Variants in RFX2 observed in about 807,000 individuals in gnomAD.
RFX2 encodes regulatory factor X2, also known as DNA-binding protein RFX2.
RFX2 carries 20 observed loss-of-function variants against 87.8 expected under a neutral mutation model. That is an observed-to-expected ratio of 0.23 (90% CI 0.16 to 0.33). RFX2 has a LOEUF of 0.33. Ranked by LOEUF, RFX2 falls within the 10% of genes least tolerant of loss-of-function variation. RFX2 has a pLI of 1.00. For missense variants in RFX2, 767 were observed against 1,012.3 expected (o/e 0.76, Z 3.29); for synonymous variants, 397 against 431.3 (o/e 0.92, Z 0.98).
In RFX2 at chr19:6,047,490, T is replaced by G. The variant is rs1281206735; in HGVS notation, c.7A>C (p.Asn3His). The G allele has an allele frequency of 3.7e-6, 6 of 1,608,760 alleles. No homozygotes were observed. ...GGCGAATCCGCTCCACCCTCGGAAT[T>G]CTGCATGCTCAGGTCTAAAGAAAGG... MQ[N>H]SEGGADSPAS... The change falls in exon 2 of 18, where the codon AAT becomes CAT. Residue 3 changes from asparagine to histidine, a missense_variant. Asn to His is a moderately conservative substitution (Grantham distance 68). Transcript: ENST00000303657. The surrounding 1 kb of genome is among the most constrained non-coding windows in gnomAD (Gnocchi z 4.2).
chr19:6,085,042 A>G (rs976600885), intron 1 of RFX2, among the ~76,000 whole-genome samples: 18 of 152,160 alleles, frequency 1.2e-4, no homozygotes, highest in African/African-American at 4.3e-4. Context: ...TCCTTTTTCA[A>G]GGCTGAATAG....
At position 5,997,813 on chromosome 19, in the gene RFX2, A is replaced by G. The variant is rs1236003215; in HGVS notation, c.1860-600T>C. On this transcript the variant is annotated intron_variant, in intron 15 of 17. Coordinates refer to ENST00000303657, the MANE Select transcript of RFX2 (RefSeq NM_000635.4). The surrounding 1 kb of genome is among the most constrained non-coding windows in gnomAD (Gnocchi z 4.2). The stretch of plus-strand genomic sequence containing the variant: ...AGCCTGTGTGCTGACAATGCTTTAC[A>G]TTTTGAAATGGTTGGAAAAAGTCAA... Among the ~76,000 whole-genome samples the G allele has an allele frequency of 1.3e-5, 2 of 152,212 alleles. No individual in the cohort carries two copies. The highest frequency in any genetic ancestry group is 2.9e-5 in the Non-Finnish European group (2 of 68,048).
rs972038675 is a variant in RFX2, at chr19:6,061,903, A to G, written c.-8-14399T>C. On this transcript the variant is annotated intron_variant, in intron 1 of 17. Coordinates refer to ENST00000303657, the MANE Select transcript of RFX2 (RefSeq NM_000635.4). This position sits in a 1 kb window ranked among gnomAD's most constrained non-coding sequence, Gnocchi z 5.2. ...GTGCCTGATCAATGAAATATGTCCT[A>G]GGCAGGGGCGGGAGGATCCATTGAA... Among the ~76,000 whole-genome samples the G allele has an allele frequency of 6.6e-6, 1 of 152,090 alleles. No homozygotes were observed. Among genetic ancestry groups the G allele is most frequent in the African/African-American group, 2.4e-5 (1 of 41,392 alleles).
Position 6,070,055 on chromosome 19 carries a change from G to GATAGAATCGGATGTGAATGGGGTGGA in RFX2, c.-8-22552_-8-22551insTCCACCCCATTCACATCCGATTCTAT. On this transcript the variant is annotated intron_variant, in intron 1 of 17. Transcript: ENST00000303657. The stretch of plus-strand genomic sequence containing the variant: ...GATAGGATGGGATGGGATGGGATGG[G>GATAGAATCGGATGTGAATGGGGTGGA]ATGGGATGGGATGGGATGTGGATGG... Among the ~76,000 whole-genome samples, 5 of 100,378 alleles carry GATAGAATCGGATGTGAATGGGGTGGA rather than the reference G, an allele frequency of 5.0e-5. 1 individual carries two copies. The highest frequency in any genetic ancestry group is 4.4e-4 in the South Asian group (1 of 2,296). The allele number at this position is 100,378 out of a possible 152,430, so 65.9% of individuals were successfully genotyped here.
intron 1 of RFX2, among the ~76,000 whole-genome samples, chr19:6,082,973 T>A (rs2087806961): frequency 6.6e-6 from 1 of 152,204 alleles, no homozygotes; most frequent in Non-Finnish European, 1.5e-5. Context: ...AGACAGGGTC[T>A]CATTCTGTTG....
chr19:5,998,860 G>A lies in RFX2; in HGVS notation c.1860-1647C>T, dbSNP rs1175290894. Among the ~76,000 whole-genome samples the A allele has an allele frequency of 6.6e-6, 1 of 152,264 alleles. No homozygotes were observed. The highest frequency in any genetic ancestry group is 1.5e-5 in the Non-Finnish European group (1 of 68,054). ...CCCAGCCAGAGCTTGGGGATGACCA[G>A]CCAAGGCCTCAGTCCACATGCTACC... On this transcript the variant is annotated intron_variant, in intron 15 of 17. Transcript: ENST00000303657. This position sits in a 1 kb window ranked among gnomAD's most constrained non-coding sequence, Gnocchi z 4.2.
chr19:6,085,961 A>C (rs2087850385), intron 1 of RFX2, among the ~76,000 whole-genome samples: 1 of 151,914 alleles, frequency 6.6e-6, no homozygotes, highest in Non-Finnish European at 1.5e-5. Context: ...GCATGGTGGC[A>C]TATGCCTGTG....
chr19:5,999,339 C>T lies in RFX2; in HGVS notation c.1860-2126G>A, dbSNP rs1304116834. On this transcript the variant is annotated intron_variant, in intron 15 of 17. Transcript: ENST00000303657. The surrounding 1 kb of genome is among the most constrained non-coding windows in gnomAD (Gnocchi z 4.1). ...CACCCCCACCTTGCAGACGTGACCCCGATCCCCTCCAGCTCTGAGCTGTGC... is the reference window on the plus strand; with the variant it reads ...CACCCCCACCTTGCAGACGTGACCCTGATCCCCTCCAGCTCTGAGCTGTGC... Among the ~76,000 whole-genome samples the T allele has an allele frequency of 2.6e-5, 4 of 152,110 alleles. No homozygotes were observed. The highest frequency in any genetic ancestry group is 3.9e-4 in the East Asian group (2 of 5,174).
At chr19:6,097,457 C>A (rs1406598939) in intron 1 of RFX2, among the ~76,000 whole-genome samples, 1 of 152,152 alleles carries the variant, frequency 6.6e-6, no homozygotes, top group Non-Finnish European at 1.5e-5. Context: ...ATTAAGATAT[C>A]TTTACCCTTC....
intron 1 of RFX2, among the ~76,000 whole-genome samples, chr19:6,082,808 T>C (rs1211246337): frequency 2.0e-5 from 3 of 152,130 alleles, no homozygotes; most frequent in Admixed American, 6.5e-5. Flanking sequence ...CTCTGGACAG[T>C]AGGAGGAGTG....
chr19:6,030,876 G>GAAA (rs893553067), intron 5 of RFX2, among the ~76,000 whole-genome samples: 2 of 152,118 alleles, frequency 1.3e-5, no homozygotes, highest in Non-Finnish European at 2.9e-5. Context: ...CTGGTCACTT[G>GAAA]AAAAACATGA....
chr19:6,086,555 C>T (rs975942453), intron 1 of RFX2, among the ~76,000 whole-genome samples: 3 of 152,266 alleles, frequency 2.0e-5, no homozygotes, highest in Admixed American at 6.5e-5. Flanking sequence ...CTGCTGTTGA[C>T]GGAAATGTTA....
chr19:6,089,184 A>G (rs1388710684), intron 1 of RFX2, among the ~76,000 whole-genome samples: 1 of 152,226 alleles, frequency 6.6e-6, no homozygotes, highest in Admixed American at 6.5e-5. Context: ...GCCTAAAATA[A>G]CTCCAAATAA....
At position 6,083,546 on chromosome 19, in the gene RFX2, C is replaced by A. The variant is rs2087814403; in HGVS notation, c.-9+26847G>T. ...AGTGTGCTAGATGTAGTCTGCTGAC[C>A]CGTTTTTTTTTTTTTTAATTTTTAT... On this transcript the variant is annotated intron_variant, in intron 1 of 17. Transcript: ENST00000303657. The surrounding 1 kb of genome is among the most constrained non-coding windows in gnomAD (Gnocchi z 4.6). 1.5e-5 allele frequency among the ~76,000 whole-genome samples: 2 copies of A among 130,910 alleles called. No individual in the cohort carries two copies. Among genetic ancestry groups the A allele is most frequent in the South Asian group, 2.4e-4 (1 of 4,186 alleles). The allele number at this position is 130,910 out of a possible 152,430, so 85.9% of individuals were successfully genotyped here.
intron 12 of RFX2, among the ~76,000 whole-genome samples, chr19:6,005,962 A>C (rs1266576049): frequency 6.6e-6 from 1 of 152,172 alleles, no homozygotes; most frequent in Non-Finnish European, 1.5e-5. Flanking sequence ...CCAGGGCTGC[A>C]CACAGGCTAC....
chr19:6,025,186 C>T (rs2086870743), intron 6 of RFX2, among the ~76,000 whole-genome samples: 1 of 152,118 alleles, frequency 6.6e-6, no homozygotes, highest in Admixed American at 6.6e-5. Flanking sequence ...AGCGATGAGT[C>T]TGAGGGGGCC....
intron 7 of RFX2, among the ~76,000 whole-genome samples, chr19:6,015,231 C>A (rs2086708980): frequency 6.6e-6 from 1 of 152,010 alleles, no homozygotes; most frequent in Non-Finnish European, 1.5e-5. Flanking sequence ...AGTTTGAGAC[C>A]AGCCTGGCCA....
Position 6,110,232 on chromosome 19 carries a change from C to G in RFX2, c.-9+161G>C, listed in dbSNP as rs1401963981. Among the ~76,000 whole-genome samples the G allele has an allele frequency of 0.11, 5 of 44 alleles. No individual in the cohort carries two copies. The highest frequency in any genetic ancestry group is 0.18 in the Non-Finnish European group (5 of 28). The allele number at this position is 44 out of a possible 152,430, so 0.0% of individuals were successfully genotyped here. ...CAGGGTCCCCCCAAACTCCGCCGCGCGCGCGGACGGGGTGGCGGAGGCGGG... is the reference window on the plus strand; with the variant it reads ...CAGGGTCCCCCCAAACTCCGCCGCGGGCGCGGACGGGGTGGCGGAGGCGGG... On this transcript the variant is annotated intron_variant, in intron 1 of 17. Coordinates refer to ENST00000303657, the MANE Select transcript of RFX2 (RefSeq NM_000635.4). The surrounding 1 kb of genome is among the most constrained non-coding windows in gnomAD (Gnocchi z 4.3).
chr19:6,021,582 G>A lies in RFX2; in HGVS notation c.597+4581C>T, dbSNP rs1313078797. On this transcript the variant is annotated intron_variant, in intron 6 of 17. Transcript: ENST00000303657. The surrounding 1 kb of genome is among the most constrained non-coding windows in gnomAD (Gnocchi z 5.7). Reference sequence around the variant, plus strand: ...GTGAAGACTCAGAGGAGGTGAGGGGGAGCCTGGGGAAGAGAGCTTCAGGCA... The same window carrying A: ...GTGAAGACTCAGAGGAGGTGAGGGGAAGCCTGGGGAAGAGAGCTTCAGGCA... 6.6e-6 allele frequency among the ~76,000 whole-genome samples: 1 copy of A among 152,188 alleles called. No individual in the cohort carries two copies. Among genetic ancestry groups the A allele is most frequent in the Non-Finnish European group, 1.5e-5 (1 of 68,036 alleles).
Sources: allele counts gnomAD v4.1 joint callset (sites outside exome capture counted in the v4.1 genomes callset), GRCh38; gene constraint gnomAD v4.1.1; non-coding constraint Gnocchi (gnomAD v3.1); transcripts MANE v1.5; gene names NCBI Gene and HGNC (gene_info 2026-07-23, HGNC 2026-07-21).